The following OTOGL variants were observed in gnomAD, a reference collection of about 807,000 sequenced individuals.
OTOGL encodes the protein otogelin-like protein.
In OTOGL, 285 loss-of-function variants were observed where a neutral mutation model predicts 318.5. The ratio of observed to expected loss-of-function variants is 0.89; its 90% CI spans 0.81 to 0.99. The LOEUF is 0.99. OTOGL is among the 50% of genes least tolerant of loss of function. The pLI, the probability that OTOGL is intolerant of heterozygous loss-of-function variation, is 0.00. For missense variants in OTOGL, 2,899 were observed against 2,845.6 expected, an observed-to-expected ratio of 1.02 and a Z score of -0.43; for synonymous variants, 987 against 936.5, an observed-to-expected ratio of 1.05 and a Z score of -0.99.
chr12:80,307,867 G>A (rs1886294295), intron 29 of OTOGL, among the ~76,000 whole-genome samples: 2 of 141,054 alleles, frequency 1.4e-5, no homozygotes, highest in Non-Finnish European at 3.0e-5. Flanking sequence ...CGGGCGGGGG[G>A]CTGACCCCCC....
intron 57 of OTOGL, among the ~76,000 whole-genome samples, chr12:80,373,206 G>T (rs1172718896): frequency 6.6e-6 from 1 of 152,002 alleles, no homozygotes; most frequent in East Asian, 1.9e-4. Context: ...GGCCAAGTTG[G>T]GTGGATCACA....
At chr12:80,302,917 C>T (rs1271679717) in intron 28 of OTOGL, 134 bp downstream of exon 28, 3 of 885,756 alleles carry the variant, frequency 3.4e-6, no homozygotes, top group Non-Finnish European at 4.6e-6. Flanking sequence ...AACTCATACC[C>T]TTGTGAAAAA....
intron 1 of OTOGL, among the ~76,000 whole-genome samples, chr12:80,197,689 G>C (rs988464473): frequency 1.3e-5 from 2 of 152,162 alleles, no homozygotes; most frequent in African/African-American, 4.8e-5. Flanking sequence ...TCCACAAAAG[G>C]CACTCTAATG....
chr12:80,262,134 G>A, intron 19 of OTOGL, 41 bp downstream of exon 19: 1 of 1,571,106 alleles, frequency 6.4e-7, no homozygotes, highest in Non-Finnish European at 8.7e-7. Context: ...TGTAAACTTA[G>A]GGAAAAGTTC....
chr12:80,327,367 T>A (rs1010226650), intron 35 of OTOGL, among the ~76,000 whole-genome samples: 1 of 152,146 alleles, frequency 6.6e-6, no homozygotes, highest in African/African-American at 2.4e-5. Flanking sequence ...GGGCTTGAAA[T>A]AGAATCTTTT....
intron 1 of OTOGL, among the ~76,000 whole-genome samples, chr12:80,155,814 C>T (rs1873077848): frequency 1.3e-5 from 2 of 152,190 alleles, no homozygotes; most frequent in East Asian, 1.9e-4. Flanking sequence ...CTCTCTATCT[C>T]CATGAGTTCA....
chr12:80,310,339 C>A (rs1886549499), intron 29 of OTOGL, among the ~76,000 whole-genome samples: 1 of 152,140 alleles, frequency 6.6e-6, no homozygotes. Flanking sequence ...TTTTTTAAGT[C>A]ATGCAAATGC....
intron 1 of OTOGL, among the ~76,000 whole-genome samples, chr12:80,141,966 C>T (rs1165318500): frequency 3.3e-5 from 5 of 152,080 alleles, no homozygotes; most frequent in African/African-American, 1.2e-4. Flanking sequence ...CCCTACACTC[C>T]ATCCTCAACC....
intron 20 of OTOGL, chr12:80,265,577 A>G (rs781154682): frequency 3.3e-5 from 7 of 214,760 alleles, no homozygotes; most frequent in Admixed American, 5.2e-5. Context: ...GTATTTAAAT[A>G]GATGTTATGC....
At chr12:80,377,571 A>G (rs1891236967) in intron 58 of OTOGL, among the ~76,000 whole-genome samples, 1 of 152,118 alleles carries the variant, frequency 6.6e-6, no homozygotes, top group Non-Finnish European at 1.5e-5. Flanking sequence ...CAATAGATTA[A>G]CTATATTGTG....
At chr12:80,201,569 A>C (rs1440795938) in intron 1 of OTOGL, among the ~76,000 whole-genome samples, 1 of 152,130 alleles carries the variant, frequency 6.6e-6, no homozygotes, top group Non-Finnish European at 1.5e-5. Flanking sequence ...GGTCACATTT[A>C]AACATGATTT....
chr12:80,130,105 T>A (rs1171525571), intron 1 of OTOGL, among the ~76,000 whole-genome samples: 1 of 152,200 alleles, frequency 6.6e-6, no homozygotes, highest in Non-Finnish European at 1.5e-5. Context: ...TCTTAACTGG[T>A]TTCTTTGTAT....
chr12:80,170,002 C>A (rs565234091), intron 1 of OTOGL, among the ~76,000 whole-genome samples: 4 of 152,244 alleles, frequency 2.6e-5, no homozygotes, highest in African/African-American at 9.6e-5. Context: ...TATATCCTTT[C>A]ATTTCTTTTG....
Position 80,336,149 on chromosome 12 carries a change from G to T in OTOGL, c.4600+9G>T, listed in dbSNP as rs762250174. 6.4e-7 allele frequency: 1 copy of T among 1,562,042 alleles called. No individual in the cohort carries two copies. Among genetic ancestry groups the T allele is most frequent in the Admixed American group, 1.9e-5 (1 of 51,948 alleles). On this transcript the variant is annotated intron_variant, in intron 39 of 58. Transcript: ENST00000547103. ...TGAGTGGGAATGTCCTTGTAAGTTT[G>T]CATTTCTTAAGCGGTGATCTTTTTT...
intron 32 of OTOGL, among the ~76,000 whole-genome samples, chr12:80,315,783 A>C (rs74108586): frequency 0.051 from 7,699 of 152,244 alleles, 672 homozygotes; most frequent in African/African-American, 0.18. Flanking sequence ...ATAGAGGAGG[A>C]AAATTCAACA....
chr12:80,370,019 A>T (rs1034803846), intron 55 of OTOGL, among the ~76,000 whole-genome samples: 1 of 152,058 alleles, frequency 6.6e-6, no homozygotes, highest in Non-Finnish European at 1.5e-5. Flanking sequence ...TCTTGAAAGA[A>T]TAGGGATAAA....
At position 80,308,046 on chromosome 12, in the gene OTOGL, G is replaced by A. The variant is rs1328810763; in HGVS notation, c.3333+2351G>A. ...GACGGGGCGGCTGGCCGCGCGGGGG[G>A]CTGATCCCCCCACCTCCCTCCCGGA... On this transcript the variant is annotated intron_variant, in intron 29 of 58. Coordinates refer to ENST00000547103, the MANE Select transcript of OTOGL (RefSeq NM_001378609.3). Among the ~76,000 whole-genome samples, 4 of 143,006 alleles carry A rather than the reference G, an allele frequency of 2.8e-5. 1 individual carries two copies. Among genetic ancestry groups the A allele is most frequent in the Admixed American group, 6.7e-5 (1 of 14,822 alleles). The allele number at this position is 143,006 out of a possible 152,430, so 93.8% of individuals were successfully genotyped here. A position where few individuals can be genotyped will look rare whatever the true frequency, so the allele number is the denominator to read the frequency against.
chr12:80,296,614 A>G lies in OTOGL; in HGVS notation c.2929-213A>G, dbSNP rs17006598. 0.02 allele frequency among the ~76,000 whole-genome samples: 2,976 copies of G among 152,260 alleles called. 111 individuals carry two copies. The highest frequency in any genetic ancestry group is 0.068 in the African/African-American group (2,809 of 41,540). On this transcript the variant is annotated intron_variant, in intron 26 of 58. Coordinates refer to ENST00000547103, the MANE Select transcript of OTOGL (RefSeq NM_001378609.3). Reference sequence around the variant, plus strand: ...AACTTGGCTGGAACAAAATTTTAACAGATATTATAGGTGTTTAAAGATTGA... The same window carrying G: ...AACTTGGCTGGAACAAAATTTTAACGGATATTATAGGTGTTTAAAGATTGA...
At chr12:80,282,510 G>A (rs919989997) in intron 26 of OTOGL, among the ~76,000 whole-genome samples, 3 of 151,398 alleles carry the variant, frequency 2.0e-5, no homozygotes, top group Admixed American at 6.6e-5. Context: ...TAATTATAAC[G>A]GATGGTAAGT....
Sources: gnomAD v4.1 joint callset for allele counts (sites outside exome capture counted in the v4.1 genomes callset) on GRCh38, gnomAD v4.1.1 for gene constraint, MANE v1.5 for transcripts, NCBI Gene and HGNC (gene_info 2026-07-23, HGNC 2026-07-21) for gene names.